Variants in GRM1 observed in about 807,000 individuals in gnomAD.
GRM1 encodes glutamate metabotropic receptor 1, also known as metabotropic glutamate receptor 1.
A neutral mutation model predicts 90.9 loss-of-function variants in GRM1; 33 were observed. That is an observed-to-expected ratio of 0.36 (90% CI 0.28 to 0.49). GRM1 has a LOEUF of 0.49. Ranked by LOEUF, GRM1 falls within the 20% of genes least tolerant of loss-of-function variation. The pLI, the probability that GRM1 is intolerant of heterozygous loss-of-function variation, is 0.99. For synonymous variants in GRM1, 700 were observed against 613.2 expected, an observed-to-expected ratio of 1.14 and a Z score of -2.09; for missense variants, 1,190 against 1,534.3, an observed-to-expected ratio of 0.78 and a Z score of 3.75.
intron 7 of GRM1, among the ~76,000 whole-genome samples, chr6:146,423,003 AAAG>A (rs1427352511): frequency 1.3e-5 from 2 of 151,740 alleles, no homozygotes; most frequent in Non-Finnish European, 2.9e-5. Context: ...GGAAGGAGGG[AAAG>A]AAGAAGGAAG....
intron 2 of GRM1, among the ~76,000 whole-genome samples, chr6:146,228,028 C>T (rs1034644743): frequency 2.0e-4 from 30 of 152,156 alleles, no homozygotes; most frequent in Non-Finnish European, 3.7e-4. Context: ...TTTTCTCTGA[C>T]ATTTATCTCT....
chr6:146,380,137 G>A (rs930959615), intron 5 of GRM1, among the ~76,000 whole-genome samples: 2 of 151,848 alleles, frequency 1.3e-5, no homozygotes, highest in African/African-American at 4.8e-5. Flanking sequence ...CAAGGCCCTG[G>A]GCTCTACAGT....
chr6:146,218,903 C>T (rs1453147702), intron 2 of GRM1, among the ~76,000 whole-genome samples: 1 of 152,150 alleles, frequency 6.6e-6, no homozygotes, highest in Non-Finnish European at 1.5e-5. Flanking sequence ...ATCATGGCTG[C>T]ACCACCATTA....
At chr6:146,154,360 G>A (rs1042824491) in intron 1 of GRM1, among the ~76,000 whole-genome samples, 1 of 152,068 alleles carries the variant, frequency 6.6e-6, no homozygotes, top group Non-Finnish European at 1.5e-5. Context: ...TTCCTTCCTC[G>A]CGCCCTCTTC....
At chr6:146,175,605 T>TA (rs1429818791) in intron 2 of GRM1, among the ~76,000 whole-genome samples, 1 of 152,132 alleles carries the variant, frequency 6.6e-6, no homozygotes, top group African/African-American at 2.4e-5. Context: ...TTGTAAATAG[T>TA]AAGAATAATA....
rs1778624504 is a variant in GRM1, at chr6:146,437,321, T to C, written c.*2525T>C. The C allele has an allele frequency of 6.6e-6, 1 of 152,634 alleles. No individual in the cohort carries two copies. Among genetic ancestry groups the C allele is most frequent in the Non-Finnish European group, 1.5e-5 (1 of 68,036 alleles). 9.5% of individuals were successfully genotyped at this position (152,634 alleles called of 1,614,324 possible). A position where few individuals can be genotyped will look rare whatever the true frequency, so the allele number is the denominator to read the frequency against. On this transcript the variant is annotated 3_prime_UTR_variant, in exon 8 of 8. Transcript: ENST00000282753. Reference sequence around the variant, plus strand: ...TGGTCTAAGACTTTTGGTGAACACGTTCATTCAACTGTGATCACTTTATTA... The same window carrying C: ...TGGTCTAAGACTTTTGGTGAACACGCTCATTCAACTGTGATCACTTTATTA...
chr6:146,404,926 A>G (rs1244617707), intron 7 of GRM1, among the ~76,000 whole-genome samples: 1 of 152,232 alleles, frequency 6.6e-6, no homozygotes, highest in Non-Finnish European at 1.5e-5. Context: ...GCCTTAAACT[A>G]GAGCAGTAAA....
chr6:146,088,741 C>T (rs1207151542), intron 1 of GRM1, among the ~76,000 whole-genome samples: 1 of 152,082 alleles, frequency 6.6e-6, no homozygotes, highest in Non-Finnish European at 1.5e-5. Context: ...TATCTATAAG[C>T]AGGTCTCCCA....
chr6:146,246,160 C>T (rs538666111), intron 2 of GRM1, among the ~76,000 whole-genome samples: 4 of 152,266 alleles, frequency 2.6e-5, no homozygotes, highest in South Asian at 4.1e-4. Flanking sequence ...AGGAAATTCT[C>T]GATCACTAGC....
intron 1 of GRM1, among the ~76,000 whole-genome samples, chr6:146,132,327 C>G (rs148381703): frequency 6.6e-6 from 1 of 151,778 alleles, no homozygotes; most frequent in East Asian, 1.9e-4. Context: ...AGTCAAGGAG[C>G]GAGCCAATGA....
At chr6:146,244,792 C>T (rs1780997744) in intron 2 of GRM1, among the ~76,000 whole-genome samples, 1 of 152,180 alleles carries the variant, frequency 6.6e-6, no homozygotes, top group African/African-American at 2.4e-5. Flanking sequence ...TCCTGATTAG[C>T]AAGCTCTCAT....
intron 2 of GRM1, among the ~76,000 whole-genome samples, chr6:146,261,869 T>C (rs1781705987): frequency 6.6e-6 from 1 of 151,534 alleles, no homozygotes; most frequent in African/African-American, 2.4e-5. Flanking sequence ...AGAAAAGAAA[T>C]GTAAGCTACA....
chr6:146,395,465 A>G (rs1057086952), intron 6 of GRM1, among the ~76,000 whole-genome samples: 1 of 151,860 alleles, frequency 6.6e-6, no homozygotes, highest in African/African-American at 2.4e-5. Flanking sequence ...TGCCTTTTCT[A>G]TTTTTCTTTT....
chr6:146,308,358 A>C (rs577809767), intron 3 of GRM1, among the ~76,000 whole-genome samples: 2 of 152,358 alleles, frequency 1.3e-5, no homozygotes, highest in African/African-American at 4.8e-5. Context: ...ACTACTTTAC[A>C]ATAAAATAAT....
At position 146,190,511 on chromosome 6, in the gene GRM1, T is replaced by G. The variant is rs969834776; in HGVS notation, c.950+30914T>G. On this transcript the variant is annotated intron_variant, in intron 2 of 7. Coordinates refer to ENST00000282753, the MANE Select transcript of GRM1 (RefSeq NM_001278064.2). ...GAGGCGATATCACACCTTGAGGGAGTTGGCCAACACGAATTCAGGAGGAGC... is the reference window on the plus strand; with the variant it reads ...GAGGCGATATCACACCTTGAGGGAGGTGGCCAACACGAATTCAGGAGGAGC... Among the ~76,000 whole-genome samples the G allele has an allele frequency of 4.6e-5, 7 of 151,668 alleles. No homozygotes were observed. The South Asian group carries it at 8.4e-4, about 18-fold the overall frequency.
intron 1 of GRM1, among the ~76,000 whole-genome samples, chr6:146,078,061 C>T (rs1449885278): frequency 1.3e-5 from 2 of 152,198 alleles, no homozygotes; most frequent in African/African-American, 2.4e-5. Context: ...TTAGTTGACA[C>T]ATTCAACAAA....
intron 2 of GRM1, among the ~76,000 whole-genome samples, chr6:146,297,352 G>A (rs931686193): frequency 6.6e-6 from 1 of 151,974 alleles, no homozygotes; most frequent in African/African-American, 2.4e-5. Flanking sequence ...AGTAGAGATG[G>A]GGTTTCACTG....
rs566254959 is a variant in GRM1, at chr6:146,082,772, GAATGTC to G, written c.700+52560_700+52565del. Among the ~76,000 whole-genome samples the G allele has an allele frequency of 2.6e-4, 40 of 152,258 alleles. 1 individual carries two copies. The South Asian group carries it at 8.3e-3, about 32-fold the overall frequency. ...AGTAGTTTTTTTCTAATTCTGTGAA[GAATGTC>G]AATGGTAGTTTGATGGGAATAGCAT... On this transcript the variant is annotated intron_variant, in intron 1 of 7. Transcript: ENST00000282753.
chr6:146,213,378 T>C lies in GRM1; in HGVS notation c.950+53781T>C, dbSNP rs566614476. ...TTCACCTGCAGAAAATCAAAAGGCA[T>C]CAGAGAGCTGGAAGTGAAAAAGCAA... On this transcript the variant is annotated intron_variant, in intron 2 of 7. Coordinates refer to ENST00000282753, the MANE Select transcript of GRM1 (RefSeq NM_001278064.2). Among the ~76,000 whole-genome samples the C allele has an allele frequency of 1.9e-3, 293 of 152,120 alleles. 1 individual carries two copies. The highest frequency in any genetic ancestry group is 6.9e-3 in the African/African-American group (288 of 41,508).
Sources: allele counts gnomAD v4.1 joint callset (sites outside exome capture counted in the v4.1 genomes callset), GRCh38; gene constraint gnomAD v4.1.1; transcripts MANE v1.5; gene names NCBI Gene and HGNC (gene_info 2026-07-23, HGNC 2026-07-21).